TSPEAR: variants seen among roughly 807,000 people sequenced by gnomAD.
TSPEAR encodes thrombospondin type laminin G domain and EAR repeats.
A neutral mutation model predicts 71.6 loss-of-function variants in TSPEAR; 69 were observed. The ratio of observed to expected loss-of-function variants is 0.96; its 90% CI spans 0.79 to 1.18. The LOEUF is 1.18. Ranked by LOEUF, TSPEAR falls within the 50% of genes most tolerant of loss-of-function variation. The pLI is 0.00. For synonymous variants in TSPEAR, 402 were observed against 387.2 expected (o/e 1.04, Z -0.45); for missense variants, 971 against 894.9 (o/e 1.09, Z -1.09).
intron 2 of TSPEAR, among the ~76,000 whole-genome samples, chr21:44,544,326 G>T (rs1601394457): frequency 6.6e-6 from 1 of 152,096 alleles, no homozygotes; most frequent in East Asian, 1.9e-4. Context: ...CCTTTTAGGG[G>T]CTAGGGTGGG....
intron 11 of TSPEAR, among the ~76,000 whole-genome samples, chr21:44,501,383 C>G (rs2052026701): frequency 6.6e-6 from 1 of 152,204 alleles, no homozygotes; most frequent in Admixed American, 6.5e-5. Flanking sequence ...ATCACAAGGT[C>G]AGGAGATCGA....
chr21:44,515,706 G>A (rs782055940), intron 9 of TSPEAR: 2 of 152,214 alleles, frequency 1.3e-5, no homozygotes, highest in Non-Finnish European at 2.9e-5. Flanking sequence ...CTTCTGGGCT[G>A]GGCTGCCACC....
intron 9 of TSPEAR, chr21:44,517,728 G>A: frequency 2.1e-6 from 1 of 470,628 alleles, no homozygotes; most frequent in Admixed American, 2.3e-5. Flanking sequence ...TCCTGCGGGG[G>A]CTCTGTGGAC....
At position 44,711,506 on chromosome 21, in the gene TSPEAR, G is replaced by C. The variant is rs1397373342; in HGVS notation, c.9C>G (p.Ala3=). 7 of 1,611,728 alleles carry C rather than the reference G, an allele frequency of 4.3e-6. No individual in the cohort carries two copies. The East Asian group carries it at 1.6e-4, about 36-fold the overall frequency. MS[A]LLSLCFVLPL... is the part of the protein sequence containing the mutation. ...GCAGCACAAAACACAGACTCAGCAG[G>C]GCAGACATGAGGGGCTTGGGTGCCA... The change falls in exon 1 of 12, where the codon GCC becomes GCG. Residue 3 remains alanine, a synonymous_variant. Transcript: ENST00000323084. This position sits in a 1 kb window ranked among gnomAD's most constrained non-coding sequence, Gnocchi z 4.5.
intron 1 of TSPEAR, among the ~76,000 whole-genome samples, chr21:44,709,393 G>A (rs984477223): frequency 6.6e-6 from 1 of 152,238 alleles, no homozygotes; most frequent in Non-Finnish European, 1.5e-5. Context: ...TGCTGCCCAC[G>A]GGGCTGGAGC....
Position 44,506,746 on chromosome 21 carries a change from G to GT in TSPEAR, c.1755-1866dup, listed in dbSNP as rs1338557590. On this transcript the variant is annotated intron_variant, in intron 10 of 11. Coordinates refer to ENST00000323084, the MANE Select transcript of TSPEAR (RefSeq NM_144991.3). This position sits in a 1 kb window ranked among gnomAD's most constrained non-coding sequence, Gnocchi z 4.2. ...CCCCGGGTCAGTGTGAATCCGCGGG[G>GT]TTACTCCTCAGTCGGATCTGAGCTC... 2.6e-5 allele frequency: 4 copies of GT among 152,240 alleles called. No homozygotes were observed. The highest frequency in any genetic ancestry group is 9.6e-5 in the African/African-American group (4 of 41,470). 9.4% of individuals were successfully genotyped at this position (152,240 alleles called of 1,614,324 possible).
At chr21:44,534,790 A>G (rs1555916198) in intron 2 of TSPEAR, among the ~76,000 whole-genome samples, 1 of 152,238 alleles carries the variant, frequency 6.6e-6, no homozygotes, top group African/African-American at 2.4e-5. Flanking sequence ...TTCTGGGTCC[A>G]TTCTCAAAAG....
intron 1 of TSPEAR, among the ~76,000 whole-genome samples, chr21:44,632,686 A>AC (rs1407550792): frequency 6.6e-6 from 1 of 150,764 alleles, no homozygotes; most frequent in Non-Finnish European, 1.5e-5. Flanking sequence ...ATACACACAC[A>AC]AAAAAAAATA....
chr21:44,646,024 C>T (rs587738491), intron 1 of TSPEAR, among the ~76,000 whole-genome samples: 46 of 135,550 alleles, frequency 3.4e-4, no homozygotes, highest in Non-Finnish European at 6.6e-4. Context: ...ACTCGGGAGG[C>T]TGAGGTGGGA....
rs201452080 is a variant in TSPEAR at position 44,628,051 on chromosome 21, C to T, written c.83-60046G>A. 1,030 of 1,610,038 alleles carry T rather than the reference C, an allele frequency of 6.4e-4. 4 individuals carry two copies. The highest frequency in any genetic ancestry group is 3.2e-3 in the East Asian group (142 of 44,832). ...CTCAGGCCAGAAGTCCAGCTGCTGACGGTCATGTCCCCCAGGGCCAGCCGG... is the reference window on the plus strand; with the variant it reads ...CTCAGGCCAGAAGTCCAGCTGCTGATGGTCATGTCCCCCAGGGCCAGCCGG... On this transcript the variant is annotated intron_variant, in intron 1 of 11. Transcript: ENST00000323084.
At chr21:44,574,445 C>A in intron 1 of TSPEAR, 2 of 1,596,792 alleles carry the variant, frequency 1.3e-6, no homozygotes, top group Non-Finnish European at 1.7e-6. Context: ...AGGCCTGCTG[C>A]GTGCCCGTCT....
intron 1 of TSPEAR, among the ~76,000 whole-genome samples, chr21:44,628,770 C>CA (rs1983069220): frequency 1.3e-5 from 2 of 152,322 alleles, no homozygotes; most frequent in Admixed American, 1.3e-4. Flanking sequence ...TGGGCTCCAG[C>CA]TGTCCCAGCA....
chr21:44,689,559 A>G (rs1406978327), intron 1 of TSPEAR, among the ~76,000 whole-genome samples: 3 of 151,314 alleles, frequency 2.0e-5, no homozygotes, highest in Non-Finnish European at 4.4e-5. Flanking sequence ...TGTTACATCT[A>G]CCAAACAAGG....
intron 1 of TSPEAR, among the ~76,000 whole-genome samples, chr21:44,636,634 A>T (rs1983585136): frequency 6.6e-6 from 1 of 152,074 alleles, no homozygotes; most frequent in Non-Finnish European, 1.5e-5. Flanking sequence ...TCCAGACCCC[A>T]AGTATCCTCC....
chr21:44,689,683 G>T (rs1987026264), intron 1 of TSPEAR, among the ~76,000 whole-genome samples: 1 of 109,234 alleles, frequency 9.2e-6, no homozygotes. Context: ...GAGTGTATTA[G>T]GGTTCCCTTA....
At chr21:44,540,272 C>A (rs2053196387) in intron 2 of TSPEAR, 8 of 1,474,826 alleles carry the variant, frequency 5.4e-6, no homozygotes, top group Non-Finnish European at 7.3e-6. Flanking sequence ...TGCTTTTATA[C>A]CCCTTCTGGC....
rs368324000 is a variant in TSPEAR, at chr21:44,509,193, G to A, written c.1754+6C>T. On this transcript the variant is annotated splice_donor_region_variant and intron_variant, in intron 10 of 11. Transcript: ENST00000323084. The stretch of plus-strand genomic sequence containing the variant: ...CCACCTCCCACTGGCCTGTGGAGGC[G>A]CATACCTGCAGGTGAGAATGTCCTG... 3.3e-5 allele frequency: 54 copies of A among 1,612,282 alleles called. No individual in the cohort carries two copies. In the Middle Eastern group the frequency reaches 4.0e-3, roughly 118 times the overall value.
At chr21:44,649,520 A>G (rs1329019647) in intron 1 of TSPEAR, among the ~76,000 whole-genome samples, 4 of 152,052 alleles carry the variant, frequency 2.6e-5, no homozygotes, top group African/African-American at 9.7e-5. Flanking sequence ...CCTCCAGGCA[A>G]ATCCCACTCA....
At chr21:44,634,060 C>G (rs1225909223) in intron 1 of TSPEAR, among the ~76,000 whole-genome samples, 7 of 152,124 alleles carry the variant, frequency 4.6e-5, no homozygotes, top group African/African-American at 7.2e-5. Flanking sequence ...GCCTGGGTAA[C>G]AGAGTAAGAC....
Sources: gnomAD v4.1 joint callset for allele counts (sites outside exome capture counted in the v4.1 genomes callset) on GRCh38, gnomAD v4.1.1 for gene constraint, Gnocchi (gnomAD v3.1) non-coding constraint, MANE v1.5 for transcripts, NCBI Gene and HGNC (gene_info 2026-07-23, HGNC 2026-07-21) for gene names.